The following SYNPR variants were observed in gnomAD, a reference collection of about 807,000 sequenced individuals.
SYNPR encodes the protein synaptoporin.
Under a neutral mutation model 32.9 loss-of-function variants are expected in SYNPR, and 23 were observed. That is an observed-to-expected ratio of 0.70 (90% CI 0.50 to 0.99). The LOEUF is 0.99. Among genes scored for constraint, SYNPR ranks in the 50% least tolerant of loss-of-function variants. The probability of loss-of-function intolerance (pLI) is 0.00; values close to 1 mark genes in which losing one functional copy is unlikely to be tolerated. For synonymous variants in SYNPR, 146 were observed against 135.9 expected, an observed-to-expected ratio of 1.07 and a Z score of -0.52; for missense variants, 318 against 349.3, an observed-to-expected ratio of 0.91 and a Z score of 0.71.
At chr3:63,432,493 AT>A (rs1158901016) in intron 2 of SYNPR, among the ~76,000 whole-genome samples, 2 of 152,210 alleles carry the variant, frequency 1.3e-5, no homozygotes, top group Non-Finnish European at 2.9e-5. Flanking sequence ...TGTAAATTTA[AT>A]TGTATCTTCA....
intron 4 of SYNPR, among the ~76,000 whole-genome samples, chr3:63,572,740 C>T (rs1487667763): frequency 4.6e-5 from 7 of 152,044 alleles, no homozygotes; most frequent in African/African-American, 7.2e-5. Context: ...AAGTCAAAGC[C>T]GATTTCACTC....
intron 2 of SYNPR, among the ~76,000 whole-genome samples, chr3:63,283,911 G>A (rs932054982): frequency 6.8e-6 from 1 of 147,636 alleles, no homozygotes; most frequent in Admixed American, 6.9e-5. Context: ...TCTGCCTTCC[G>A]GGTTCTCCTG....
chr3:63,313,133 C>A (rs144789397), intron 2 of SYNPR, among the ~76,000 whole-genome samples: 2 of 152,084 alleles, frequency 1.3e-5, no homozygotes, highest in African/African-American at 4.8e-5. Flanking sequence ...GATACTGATA[C>A]CATTTATTGA....
At chr3:63,484,770 T>C (rs1701113686) in intron 3 of SYNPR, among the ~76,000 whole-genome samples, 1 of 152,194 alleles carries the variant, frequency 6.6e-6, no homozygotes, top group South Asian at 2.1e-4. Flanking sequence ...TTTAAACTTT[T>C]GGATTTTTAA....
At chr3:63,200,691 C>T in the SYNPR span, among the ~76,000 whole-genome samples, 1 of 151,868 alleles carries the variant, frequency 6.6e-6, no homozygotes, top group Non-Finnish European at 1.5e-5. Context: ...TGGTGTTTCT[C>T]TTTTTAATTT....
intron 3 of SYNPR, among the ~76,000 whole-genome samples, chr3:63,551,936 T>C (rs1056315948): frequency 1.1e-4 from 17 of 152,072 alleles, no homozygotes; most frequent in African/African-American, 3.6e-4. Context: ...TGGCTCTTGT[T>C]GTCCAGGCTG....
chr3:63,513,251 GTGTT>G (rs1208674722), intron 3 of SYNPR, among the ~76,000 whole-genome samples: 10 of 146,862 alleles, frequency 6.8e-5, no homozygotes, highest in African/African-American at 2.5e-4. Context: ...AAATCTCACT[GTGTT>G]GCCCAGGCTG....
chr3:63,489,721 A>T (rs1402415847), intron 3 of SYNPR, among the ~76,000 whole-genome samples: 1 of 152,208 alleles, frequency 6.6e-6, no homozygotes, highest in African/African-American at 2.4e-5. Flanking sequence ...ATACATATAT[A>T]TGCATATATG....
chr3:63,567,392 T>C (rs941163196), intron 4 of SYNPR, among the ~76,000 whole-genome samples: 42 of 152,172 alleles, frequency 2.8e-4, no homozygotes, highest in Non-Finnish European at 2.5e-4. Flanking sequence ...GCTGAGAAAC[T>C]AGTCTCAGAC....
intron 2 of SYNPR, among the ~76,000 whole-genome samples, chr3:63,322,412 A>G (rs2087120132): frequency 6.6e-6 from 1 of 152,098 alleles, no homozygotes; most frequent in South Asian, 2.1e-4. Flanking sequence ...TCAGGAAACA[A>G]AGGCACAAAG....
rs367696263 is a variant in SYNPR at position 63,556,694 on chromosome 3, A to G, written c.361A>G (p.Ile121Val). Residue 121 changes from isoleucine (I) to valine (V), a missense_variant, in exon 4 of 6, where the codon ATT (isoleucine) becomes GTT (valine). Physicochemically the swap from Ile to Val is conservative, Grantham distance 29 (BLOSUM62 3). Transcript: ENST00000478300. ...CTCTTTGGCTGCCACTGTCGTTTAC[A>G]TTTTCTTCCAGAACAAATACCGGGA... ...LYSLAATVVY[I>V]FFQNKYRENN... 7 of 1,613,520 alleles carry G rather than the reference A, an allele frequency of 4.3e-6. No homozygotes were observed. Among genetic ancestry groups the G allele is most frequent in the Non-Finnish European group, 5.9e-6 (7 of 1,179,756 alleles).
At chr3:63,358,089 G>A (rs1255165741) in intron 2 of SYNPR, among the ~76,000 whole-genome samples, 1 of 152,206 alleles carries the variant, frequency 6.6e-6, no homozygotes, top group Non-Finnish European at 1.5e-5. Context: ...AGCTCCTTGA[G>A]ATTGGGCACT....
chr3:63,388,556 T>TGTGTGTG lies in SYNPR; in HGVS notation c.85-92276_85-92275insGTGTGTG, dbSNP rs2088086193. ...GCGCACACCACCACACCCGGCTAAT[T>TGTGTGTG]TGTGTGTGTGTGTGTGTGTGTGTGT... On this transcript the variant is annotated intron_variant, in intron 2 of 5. Coordinates refer to ENST00000478300, the MANE Select transcript of SYNPR (RefSeq NM_001130003.2). Among the ~76,000 whole-genome samples, 4 of 128,018 alleles carry TGTGTGTG rather than the reference T, an allele frequency of 3.1e-5. No homozygotes were observed. The Admixed American group carries it at 3.2e-4, about 10-fold the overall frequency. The allele number at this position is 128,018 out of a possible 152,430, so 84.0% of individuals were successfully genotyped here.
At chr3:63,381,812 C>T (rs575585630) in intron 2 of SYNPR, among the ~76,000 whole-genome samples, 6 of 152,222 alleles carry the variant, frequency 3.9e-5, no homozygotes, top group East Asian at 1.9e-4. Context: ...TTTTTCCTGC[C>T]TTCCTGTGGA....
intron 1 of SYNPR, among the ~76,000 whole-genome samples, chr3:63,242,112 TAAAATAGATAAG>T (rs139045932): frequency 0.012 from 1,843 of 152,024 alleles, 44 homozygotes; most frequent in African/African-American, 0.042. Context: ...TCTGAATGCA[TAAAATAGATAAG>T]AAAATAAAAG....
At chr3:63,520,470 C>G (rs1490631315) in intron 3 of SYNPR, among the ~76,000 whole-genome samples, 1 of 151,950 alleles carries the variant, frequency 6.6e-6, no homozygotes, top group Non-Finnish European at 1.5e-5. Flanking sequence ...GTCAGGAGTT[C>G]GAGACCAGCC....
chr3:63,559,552 A>C (rs141711498), intron 4 of SYNPR, among the ~76,000 whole-genome samples: 2 of 152,306 alleles, frequency 1.3e-5, no homozygotes, highest in African/African-American at 4.8e-5. Flanking sequence ...TGAACCTTAA[A>C]ACAATAAATT....
chr3:63,497,718 T>A (rs1701399424), intron 3 of SYNPR, among the ~76,000 whole-genome samples: 1 of 152,150 alleles, frequency 6.6e-6, no homozygotes, highest in Non-Finnish European at 1.5e-5. Flanking sequence ...GTTTCCTTTA[T>A]ACAGATTTTT....
intron 4 of SYNPR, among the ~76,000 whole-genome samples, chr3:63,592,877 G>A (rs1393527588): frequency 2.0e-5 from 3 of 151,894 alleles, no homozygotes; most frequent in Non-Finnish European, 4.4e-5. Context: ...GCATTTTATT[G>A]CATTACTTCT....
Sources: allele counts gnomAD v4.1 joint callset (sites outside exome capture counted in the v4.1 genomes callset), GRCh38; gene constraint gnomAD v4.1.1; transcripts MANE v1.5; gene names NCBI Gene and HGNC (gene_info 2026-07-23, HGNC 2026-07-21).